The following PANX1 variants were observed in gnomAD, a reference collection of about 807,000 sequenced individuals.
PANX1 encodes the protein pannexin-1.
Under a neutral mutation model 38.7 loss-of-function variants are expected in PANX1, and 30 were observed. That is an observed-to-expected ratio of 0.78 (90% CI 0.58 to 1.05). The LOEUF is 1.05. Among genes scored for constraint, PANX1 ranks in the 50% least tolerant of loss-of-function variants. The probability of loss-of-function intolerance (pLI) is 0.00; values close to 1 mark genes in which losing one functional copy is unlikely to be tolerated. For synonymous variants in PANX1, 230 were observed against 212.2 expected (o/e 1.08, Z -0.73); for missense variants, 551 against 517.2 (o/e 1.07, Z -0.63).
At chr11:94,177,013 C>T (rs1314429744) in intron 2 of PANX1, among the ~76,000 whole-genome samples, 1 of 151,726 alleles carries the variant, frequency 6.6e-6, no homozygotes, top group Non-Finnish European at 1.5e-5. Flanking sequence ...ATGCCAGGCC[C>T]TTTGCTAAGC....
intron 1 of PANX1, among the ~76,000 whole-genome samples, chr11:94,134,326 TG>T (rs757060277): frequency 2.6e-5 from 4 of 152,268 alleles, no homozygotes; most frequent in East Asian, 1.9e-4. Context: ...ATTTCATTGA[TG>T]GGGGGAGAGG....
chr11:94,179,180 C>G (rs942991145), intron 3 of PANX1, among the ~76,000 whole-genome samples: 27 of 152,194 alleles, frequency 1.8e-4, no homozygotes, highest in African/African-American at 6.3e-4. Context: ...TCCTCCTCCA[C>G]TTTTATTCTG....
At chr11:94,151,187 A>G (rs1322596120) in intron 1 of PANX1, among the ~76,000 whole-genome samples, 2 of 152,138 alleles carry the variant, frequency 1.3e-5, no homozygotes, top group Admixed American at 6.5e-5. Flanking sequence ...TCCATTCCAG[A>G]TGAAGACCAT....
At chr11:94,137,245 A>G (rs1315047534) in intron 1 of PANX1, among the ~76,000 whole-genome samples, 1 of 152,170 alleles carries the variant, frequency 6.6e-6, no homozygotes, top group East Asian at 1.9e-4. Flanking sequence ...CAGAGGTTGC[A>G]GTGAGCTGAG....
chr11:94,156,689 C>CT (rs776679744), intron 2 of PANX1, among the ~76,000 whole-genome samples: 3 of 149,110 alleles, frequency 2.0e-5, no homozygotes, highest in Non-Finnish European at 3.0e-5. Flanking sequence ...TATCATTCAT[C>CT]TTTTTTTAAA....
intron 1 of PANX1, among the ~76,000 whole-genome samples, chr11:94,145,151 A>T (rs1248331391): frequency 6.6e-6 from 1 of 152,192 alleles, no homozygotes; most frequent in Non-Finnish European, 1.5e-5. Context: ...GCCAAAGAGG[A>T]CTATAGCGTG....
chr11:94,140,213 G>T (rs909553407), intron 1 of PANX1, among the ~76,000 whole-genome samples: 4 of 152,254 alleles, frequency 2.6e-5, no homozygotes, highest in African/African-American at 9.6e-5. Context: ...CTGTCCTGGG[G>T]TGCTCACTGC....
At chr11:94,139,172 C>T (rs1299832492) in intron 1 of PANX1, among the ~76,000 whole-genome samples, 1 of 152,088 alleles carries the variant, frequency 6.6e-6, no homozygotes, top group Admixed American at 6.5e-5. Flanking sequence ...AATACCAGAC[C>T]ATCCATTTTG....
chr11:94,139,866 C>T (rs1946741298), intron 1 of PANX1, among the ~76,000 whole-genome samples: 1 of 152,198 alleles, frequency 6.6e-6, no homozygotes, highest in East Asian at 1.9e-4. Context: ...CATTTGTATC[C>T]TTTAAAAGAT....
intron 2 of PANX1, among the ~76,000 whole-genome samples, chr11:94,164,954 C>T (rs1947086639): frequency 6.6e-6 from 1 of 152,102 alleles, no homozygotes; most frequent in Non-Finnish European, 1.5e-5. Context: ...TTTACAGTTT[C>T]TGTATTGAGA....
At chr11:94,162,694 G>A (rs886744531) in intron 2 of PANX1, among the ~76,000 whole-genome samples, 12 of 152,116 alleles carry the variant, frequency 7.9e-5, no homozygotes, top group African/African-American at 1.7e-4. Context: ...GCCCTGCTTC[G>A]GCTCACGCTG....
chr11:94,161,580 T>A (rs1359519266), intron 2 of PANX1, among the ~76,000 whole-genome samples: 1 of 152,246 alleles, frequency 6.6e-6, no homozygotes, highest in Non-Finnish European at 1.5e-5. Flanking sequence ...ATCAGGTCCT[T>A]TAAGGACTTC....
chr11:94,180,094 G>A lies in PANX1; in HGVS notation c.1038G>A (p.Lys346=), dbSNP rs369193430. The change falls in exon 4 of 5, where the codon AAG becomes AAA. Residue 346 remains lysine, a synonymous_variant. Transcript: ENST00000227638. The stretch of plus-strand genomic sequence containing the variant: ...ATATAAGTGAGGTCAAGTCATACAA[G>A]TGTCTTAAGGTACTGGAGAATATTA... ...EENISEVKSY[K]CLKVLENIKS... is the part of the protein sequence containing the mutation. 7.4e-6 allele frequency: 12 copies of A among 1,613,910 alleles called. No homozygotes were observed. The highest frequency in any genetic ancestry group is 1.3e-5 in the African/African-American group (1 of 74,888).
chr11:94,140,009 C>T (rs1946743249), intron 1 of PANX1, among the ~76,000 whole-genome samples: 2 of 152,230 alleles, frequency 1.3e-5, no homozygotes, highest in Admixed American at 1.3e-4. Flanking sequence ...AGTTCTATTA[C>T]TGCTGTTCTT....
chr11:94,145,638 A>G (rs538985623), intron 1 of PANX1, among the ~76,000 whole-genome samples: 3 of 152,342 alleles, frequency 2.0e-5, no homozygotes, highest in East Asian at 1.9e-4. Context: ...AGTTATTGCA[A>G]TAGATTCCTG....
chr11:94,161,203 T>C (rs923767584), intron 2 of PANX1, among the ~76,000 whole-genome samples: 1 of 152,196 alleles, frequency 6.6e-6, no homozygotes, highest in African/African-American at 2.4e-5. Context: ...ATTATGTGTC[T>C]TGGAGTTGCT....
At chr11:94,172,437 G>A (rs992398776) in intron 2 of PANX1, among the ~76,000 whole-genome samples, 1 of 151,818 alleles carries the variant, frequency 6.6e-6, no homozygotes, top group Non-Finnish European at 1.5e-5. Flanking sequence ...ACTGAGGTTT[G>A]TGGTCTATGG....
chr11:94,142,741 C>G (rs1263980776), intron 1 of PANX1, among the ~76,000 whole-genome samples: 1 of 152,212 alleles, frequency 6.6e-6, no homozygotes, highest in African/African-American at 2.4e-5. Context: ...CATATGGTAC[C>G]ATGTACATAA....
intron 2 of PANX1, among the ~76,000 whole-genome samples, chr11:94,155,122 A>G (rs1946933280): frequency 6.6e-6 from 1 of 151,250 alleles, no homozygotes; most frequent in Non-Finnish European, 1.5e-5. Flanking sequence ...AGGCCGAGGC[A>G]AGCGGATCAC....
Sources: allele counts gnomAD v4.1 joint callset (sites outside exome capture counted in the v4.1 genomes callset), GRCh38; gene constraint gnomAD v4.1.1; transcripts MANE v1.5; gene names NCBI Gene and HGNC (gene_info 2026-07-23, HGNC 2026-07-21).